Variants in CHAF1A observed in about 807,000 individuals in gnomAD.
CHAF1A encodes chromatin assembly factor 1 subunit A.
A neutral mutation model predicts 93.2 loss-of-function variants in CHAF1A; 5 were observed. The observed-to-expected ratio is 0.05, with a 90% CI of 0.03 to 0.11. The LOEUF (loss-of-function observed/expected upper bound fraction) is 0.11, where lower values mean the gene tolerates loss of function less well. CHAF1A is among the 10% of genes least tolerant of loss of function. The probability of loss-of-function intolerance (pLI) is 1.00; values close to 1 mark genes in which losing one functional copy is unlikely to be tolerated. For missense variants in CHAF1A, 1,102 were observed against 1,259.9 expected (o/e 0.87, Z 1.90); for synonymous variants, 504 against 510.3 (o/e 0.99, Z 0.17).
At chr19:4,412,818 G>C (rs1178413803) in intron 3 of CHAF1A, among the ~76,000 whole-genome samples, 1 of 152,214 alleles carries the variant, frequency 6.6e-6, no homozygotes. Context: ...ATTTACAAGT[G>C]GTAAAGGCTT....
Position 4,409,476 on chromosome 19 carries a change from G to A in CHAF1A, c.677G>A (p.Ser226Asn), listed in dbSNP as rs1292949930. The A allele has an allele frequency of 6.2e-7, 1 of 1,614,156 alleles. No homozygotes were observed. The highest frequency in any genetic ancestry group is 1.7e-5 in the Admixed American group (1 of 60,020). The change falls in exon 3 of 15, where the codon AGT becomes AAT. Residue 226 changes from serine to asparagine, a missense_variant. Ser to Asn is a conservative substitution (Grantham distance 46, BLOSUM62 1). Transcript: ENST00000301280. ...CCCAGAAAGGAGCAGGACAGTTGGA[G>A]TGAAGCTGGGGGCATCCTGTTCAAA... ...MCPRKEQDSW[S>N]EAGGILFKGK...
downstream of CHAF1A, chr19:4,447,726 C>G (rs1185121165): frequency 8.0e-6 from 10 of 1,255,278 alleles, no homozygotes; most frequent in Non-Finnish European, 1.2e-5. Context: ...CACACTTGGC[C>G]TCTAGTCAGA....
chr19:4,433,191 C>G lies in CHAF1A; in HGVS notation c.2325C>G (p.Ser775Arg), dbSNP rs767241040. 6.2e-7 allele frequency: 1 copy of G among 1,613,748 alleles called. No homozygotes were observed. The highest frequency in any genetic ancestry group is 8.5e-7 in the Non-Finnish European group (1 of 1,179,876). Residue 775 changes from serine to arginine, a missense_variant, in exon 13 of 15, where the codon AGC (serine) becomes AGG (arginine). Physicochemically the swap from Ser to Arg is moderately radical, Grantham distance 110 (BLOSUM62 -1). Transcript: ENST00000301280. This position sits in a 1 kb window ranked among gnomAD's most constrained non-coding sequence, Gnocchi z 5.6. Reference sequence around the variant, plus strand: ...GCAACCACACCGGCAGCCCGCGGAGCCCCTCCACCACCTACCTGCACACCC... The same window carrying G: ...GCAACCACACCGGCAGCCCGCGGAGGCCCTCCACCACCTACCTGCACACCC... Reference protein sequence around the residue: ...LLSNHTGSPRSPSTTYLHTPT... With the variant: ...LLSNHTGSPRRPSTTYLHTPT...
downstream of CHAF1A, chr19:4,447,520 TG>T: frequency 6.2e-7 from 1 of 1,611,422 alleles, no homozygotes. Context: ...ACCCCCAGCC[TG>T]GGCCCCGGGG....
chr19:4,428,972 A>G, intron 8 of CHAF1A, 82 bp downstream of exon 8: 3 of 1,148,062 alleles, frequency 2.6e-6, no homozygotes, highest in Non-Finnish European at 3.8e-6. Flanking sequence ...CCGGGGTGGG[A>G]GCTCTGGGTC....
Position 4,425,557 on chromosome 19 carries a change from G to A in CHAF1A, c.1377+1683G>A, listed in dbSNP as rs1974066287. 4.6e-5 allele frequency among the ~76,000 whole-genome samples: 7 copies of A among 152,220 alleles called. No individual in the cohort carries two copies. The South Asian group carries it at 1.5e-3, about 32-fold the overall frequency. ...AGACTGGGTCTCACTGTGTTGCCAG[G>A]GCTGGTCTCGACCTCCTGGTCTCAA... On this transcript the variant is annotated intron_variant, in intron 7 of 14. Coordinates refer to ENST00000301280, the MANE Select transcript of CHAF1A (RefSeq NM_005483.3).
At chr19:4,416,644 A>G (rs563831035) in intron 3 of CHAF1A, among the ~76,000 whole-genome samples, 2 of 115,394 alleles carry the variant, frequency 1.7e-5, no homozygotes, top group East Asian at 6.7e-4. Context: ...AATTCCTAGC[A>G]CTTTGGGAGG....
chr19:4,416,302 T>C (rs1973896400), intron 3 of CHAF1A, among the ~76,000 whole-genome samples: 1 of 152,228 alleles, frequency 6.6e-6, no homozygotes, highest in Admixed American at 6.5e-5. Flanking sequence ...GAGAACTATT[T>C]CTTCCCACTC....
chr19:4,403,665 G>T (rs1973628612), intron 1 of CHAF1A, among the ~76,000 whole-genome samples: 2 of 152,230 alleles, frequency 1.3e-5, no homozygotes, highest in African/African-American at 4.8e-5. Flanking sequence ...GCCAGTAGCA[G>T]CCCCTCTCAC....
Position 4,422,913 on chromosome 19 carries a change from C to T in CHAF1A, c.1247+118C>T. On this transcript the variant is annotated intron_variant, in intron 5 of 14. Coordinates refer to ENST00000301280, the MANE Select transcript of CHAF1A (RefSeq NM_005483.3). This position sits in a 1 kb window ranked among gnomAD's most constrained non-coding sequence, Gnocchi z 4.6. ...GATGGCGGCTCCCTTCAGTTCCTTC[C>T]CATTTCTCCTTCGTGAGGTGCCCGT... The T allele has an allele frequency of 1.0e-6, 1 of 980,102 alleles. No homozygotes were observed. Among genetic ancestry groups the T allele is most frequent in the Non-Finnish European group, 1.5e-6 (1 of 660,210 alleles). 60.7% of individuals were successfully genotyped at this position (980,102 alleles called of 1,614,324 possible).
chr19:4,424,855 G>A (rs935148809), intron 7 of CHAF1A, among the ~76,000 whole-genome samples: 2 of 152,164 alleles, frequency 1.3e-5, no homozygotes, highest in African/African-American at 4.8e-5. Flanking sequence ...GGCTGGTCTT[G>A]AACTCCTGAC....
At chr19:4,424,082 A>AT (rs1378011774) in intron 7 of CHAF1A, among the ~76,000 whole-genome samples, 2 of 152,214 alleles carry the variant, frequency 1.3e-5, no homozygotes, top group Non-Finnish European at 2.9e-5. Context: ...GGCATGTCTG[A>AT]TTAAACAGTG....
downstream of CHAF1A, chr19:4,445,811 T>C: frequency 9.1e-7 from 1 of 1,094,248 alleles, no homozygotes; most frequent in Non-Finnish European, 1.3e-6. Context: ...CTAAACCTAC[T>C]GCACTAGCTA....
chr19:4,413,704 T>A (rs1973848923), intron 3 of CHAF1A, among the ~76,000 whole-genome samples: 1 of 152,230 alleles, frequency 6.6e-6, no homozygotes, highest in African/African-American at 2.4e-5. Flanking sequence ...GGGAGTTTGT[T>A]CCGATACAGG....
intron 13 of CHAF1A, among the ~76,000 whole-genome samples, chr19:4,436,837 T>C (rs1032168342): frequency 6.6e-6 from 1 of 152,110 alleles, no homozygotes; most frequent in South Asian, 2.1e-4. Flanking sequence ...CCTGTCAACA[T>C]GTGGAACCCA....
chr19:4,440,958 A>C (rs2145152939), intron 13 of CHAF1A, among the ~76,000 whole-genome samples: 1 of 151,964 alleles, frequency 6.6e-6, no homozygotes, highest in Non-Finnish European at 1.5e-5. Context: ...GTCTGTACTA[A>C]AAATACAAAA....
chr19:4,446,807 C>A (rs375483349), downstream of CHAF1A: 1 of 1,613,800 alleles, frequency 6.2e-7, no homozygotes, highest in African/African-American at 1.3e-5. Flanking sequence ...CGTCCCCATT[C>A]CCTACTCAGC....
chr19:4,446,960 C>T (rs774229362), downstream of CHAF1A: 1 of 1,594,722 alleles, frequency 6.3e-7, no homozygotes, highest in Non-Finnish European at 8.6e-7. Context: ...CCCCTGGCTT[C>T]CTCCATGGCC....
chr19:4,440,137 G>A (rs546968716), intron 13 of CHAF1A, among the ~76,000 whole-genome samples: 52 of 152,304 alleles, frequency 3.4e-4, no homozygotes, highest in African/African-American at 1.2e-3. Context: ...TTTTGTAGAG[G>A]AAGAATTCCT....
Sources: allele counts gnomAD v4.1 joint callset (sites outside exome capture counted in the v4.1 genomes callset), GRCh38; gene constraint gnomAD v4.1.1; non-coding constraint Gnocchi (gnomAD v3.1); transcripts MANE v1.5; gene names NCBI Gene and HGNC (gene_info 2026-07-23, HGNC 2026-07-21).